TRIOBP: variants seen among roughly 807,000 people sequenced by gnomAD.
TRIOBP encodes TRIO and F-actin binding protein, also known as TRIO and F-actin-binding protein.
TRIOBP carries 169 observed loss-of-function variants against 238.8 expected under a neutral mutation model. The observed-to-expected ratio is 0.71, with a 90% CI of 0.62 to 0.80. TRIOBP has a LOEUF of 0.80. Among genes scored for constraint, TRIOBP ranks in the 30% least tolerant of loss-of-function variants. TRIOBP has a pLI of 0.00. For synonymous variants in TRIOBP, 1,150 were observed against 1,274.4 expected (o/e 0.90, Z 2.08); for missense variants, 2,838 against 3,122.6 (o/e 0.91, Z 2.17).
intron 7 of TRIOBP, among the ~76,000 whole-genome samples, chr22:37,727,198 C>T (rs572744219): frequency 2.7e-4 from 41 of 151,128 alleles, no homozygotes; most frequent in African/African-American, 9.4e-4. Context: ...AGTGAGCCAC[C>T]GTGCCCGGCC....
chr22:37,753,092 A>G (rs529737674), intron 12 of TRIOBP, among the ~76,000 whole-genome samples: 1 of 152,274 alleles, frequency 6.6e-6, no homozygotes, highest in South Asian at 2.1e-4. Context: ...GGTCTGCAGC[A>G]GCAACTCCGT....
At chr22:37,727,312 T>C (rs1250220830) in intron 7 of TRIOBP, among the ~76,000 whole-genome samples, 1 of 151,746 alleles carries the variant, frequency 6.6e-6, no homozygotes, top group Non-Finnish European at 1.5e-5. Context: ...GATTTTTTCC[T>C]GCCTTGGCAA....
chr22:37,769,007 T>C (rs758625773), intron 19 of TRIOBP, 21 bp from the exon 20 acceptor site: 2 of 1,613,038 alleles, frequency 1.2e-6, no homozygotes, highest in South Asian at 2.2e-5. Context: ...TATGCTCTCC[T>C]CTGCTCCTCC....
intron 11 of TRIOBP, among the ~76,000 whole-genome samples, chr22:37,749,106 G>T (rs1018513448): frequency 2.6e-5 from 4 of 152,096 alleles, no homozygotes; most frequent in African/African-American, 9.7e-5. Flanking sequence ...TGTAATCCCA[G>T]CATTTTGGGA....
Position 37,772,535 on chromosome 22 carries a change from A to G in TRIOBP, c.6937-66A>G, listed in dbSNP as rs1249425870. ...GGAGGTCTGGCTGCTGGTGCTGCCC[A>G]TGTGCCCGGTTGGCAGGGCTGGAGG... is the stretch of plus-strand genomic sequence containing the variant. On this transcript the variant is annotated intron_variant, in intron 22 of 23. Coordinates refer to ENST00000644935, the MANE Select transcript of TRIOBP (RefSeq NM_001039141.3). 1.9e-6 allele frequency: 3 copies of G among 1,609,936 alleles called. No homozygotes were observed. In the African/African-American group the frequency reaches 4.0e-5, roughly 22 times the overall value.
In TRIOBP at chr22:37,725,876, A is replaced by C; in HGVS notation, c.3320A>C (p.Gln1107Pro). The change falls in exon 7 of 24, where the codon CAG (glutamine) becomes CCG (proline). Residue 1107 changes from glutamine (Q) to proline (P), a missense_variant. Around this residue, in one of 5 missense-constraint regions of TRIOBP, gnomAD observed 2,096 missense variants for 2,137.4 expected, o/e 0.98. Transcript: ENST00000644935. The stretch of plus-strand genomic sequence containing the variant: ...CAGTCCCCCCAACACGAGCCCCTTC[A>C]GCTCCCTGCACCTGTGTGTATTGGG... ...QCQSPQHEPLQLPAPVCIGYR... is the reference protein window; with the variant it reads ...QCQSPQHEPLPLPAPVCIGYR... 1 of 1,606,768 alleles carries C rather than the reference A, an allele frequency of 6.2e-7. No individual in the cohort carries two copies. The highest frequency in any genetic ancestry group is 2.2e-5 in the East Asian group (1 of 44,562).
At position 37,710,453 on chromosome 22, in the gene TRIOBP, G is replaced by T. The variant is rs201477156; in HGVS notation, c.141G>T (p.Glu47Asp). Residue 47 changes from glutamate to aspartate, a missense_variant, in exon 4 of 24, where the codon GAG becomes GAT. Transcript: ENST00000644935. Reference sequence around the variant, plus strand: ...AGCTCAGGAGCCCTTCAGGTGCTGAGGTGCCCTACTGCGACCTGCCTCGAT... The same window carrying T: ...AGCTCAGGAGCCCTTCAGGTGCTGATGTGCCCTACTGCGACCTGCCTCGAT... ...YQELRSPSGA[E>D]VPYCDLPRCP... The T allele has an allele frequency of 6.2e-7, 1 of 1,613,526 alleles. No homozygotes were observed. The highest frequency in any genetic ancestry group is 8.5e-7 in the Non-Finnish European group (1 of 1,180,012).
At chr22:37,752,557 C>T (rs77703963) in intron 12 of TRIOBP, among the ~76,000 whole-genome samples, 5,076 of 152,304 alleles carry the variant, frequency 0.033, 98 homozygotes, top group Middle Eastern at 0.082. Context: ...CTCTGGTCTG[C>T]GTGCAGCCTG....
chr22:37,726,527 C>A, intron 7 of TRIOBP, 24 bp downstream of exon 7: 2 of 1,450,880 alleles, frequency 1.4e-6, no homozygotes, highest in South Asian at 1.4e-5. Context: ...TGGGGTCAGC[C>A]AGGTGGGCTG....
intron 2 of TRIOBP, among the ~76,000 whole-genome samples, chr22:37,698,265 G>A (rs1015747559): frequency 1.4e-5 from 2 of 145,102 alleles, no homozygotes; most frequent in African/African-American, 5.0e-5. Flanking sequence ...CTTCACACCT[G>A]TAATCCCAGC....
At chr22:37,699,466 T>G (rs1043371377) in intron 2 of TRIOBP, among the ~76,000 whole-genome samples, 16 of 148,804 alleles carry the variant, frequency 1.1e-4, no homozygotes, top group African/African-American at 2.9e-4. Context: ...GATCTAAAAT[T>G]GGCATTAATT....
At chr22:37,704,475 G>T (rs1922833115) in intron 3 of TRIOBP, among the ~76,000 whole-genome samples, 1 of 147,648 alleles carries the variant, frequency 6.8e-6, no homozygotes, top group Non-Finnish European at 1.5e-5. Flanking sequence ...AAGGGGGAGG[G>T]GAAGGGGGAG....
At chr22:37,771,021 C>T (rs1022005255) in intron 21 of TRIOBP, among the ~76,000 whole-genome samples, 2 of 152,222 alleles carry the variant, frequency 1.3e-5, no homozygotes, top group African/African-American at 2.4e-5. Flanking sequence ...AGGTGAGGCT[C>T]ACTCTGTACC....
chr22:37,767,955 T>TAGTACTATGCA, intron 18 of TRIOBP, 119 bp from the exon 19 acceptor site: 1 of 790,858 alleles, frequency 1.3e-6, no homozygotes, highest in Non-Finnish European at 2.2e-6. Flanking sequence ...AGTACTTGCA[T>TAGTACTATGCA]AGTACTATGT....
At chr22:37,709,152 A>T (rs1264092247) in intron 3 of TRIOBP, among the ~76,000 whole-genome samples, 1 of 152,184 alleles carries the variant, frequency 6.6e-6, no homozygotes, top group Non-Finnish European at 1.5e-5. Flanking sequence ...ATGTCACGGC[A>T]GACATCCCAA....
chr22:37,711,024 A>G lies in TRIOBP; in HGVS notation c.254+458A>G, dbSNP rs184737484. On this transcript the variant is annotated intron_variant, in intron 4 of 23. Transcript: ENST00000644935. ...CACCTACGTGGGTGTGCACTGCTCC[A>G]GGCTCTGGGGTTCCTTCCACCCTCA... Among the ~76,000 whole-genome samples, 74 of 152,354 alleles carry G rather than the reference A, an allele frequency of 4.9e-4. No individual in the cohort carries two copies. In the East Asian group the frequency reaches 0.014, roughly 28 times the overall value.
chr22:37,761,746 A>G (rs1197227702), intron 17 of TRIOBP, among the ~76,000 whole-genome samples: 1 of 150,738 alleles, frequency 6.6e-6, no homozygotes, highest in Non-Finnish European at 1.5e-5. Flanking sequence ...CAAGTAGTGG[A>G]TGGAGTTTCC....
intron 7 of TRIOBP, among the ~76,000 whole-genome samples, chr22:37,729,165 A>C (rs980488802): frequency 6.7e-6 from 1 of 149,226 alleles, no homozygotes; most frequent in African/African-American, 2.5e-5. Context: ...CAATCTACCC[A>C]CCTCGGCCTC....
intron 11 of TRIOBP, chr22:37,750,531 C>A: frequency 2.4e-6 from 1 of 421,120 alleles, no homozygotes; most frequent in South Asian, 1.7e-5. Context: ...TCGCCCTGGG[C>A]AGCCTCCGTC....
Sources: allele counts gnomAD v4.1 joint callset (sites outside exome capture counted in the v4.1 genomes callset), GRCh38; gene constraint gnomAD v4.1.1; regional missense constraint gnomAD v4.1.1; transcripts MANE v1.5; gene names NCBI Gene and HGNC (gene_info 2026-07-23, HGNC 2026-07-21).